Variants in RNF144B observed in about 807,000 individuals in gnomAD.
RNF144B encodes E3 ubiquitin-protein ligase RNF144B.
A neutral mutation model predicts 40.2 loss-of-function variants in RNF144B; 25 were observed. The observed-to-expected ratio is 0.62, with a 90% CI of 0.45 to 0.87. RNF144B has a LOEUF of 0.87. Among genes scored for constraint, RNF144B ranks in the 40% least tolerant of loss-of-function variants. The pLI, the probability that RNF144B is intolerant of heterozygous loss-of-function variation, is 0.00. For synonymous variants in RNF144B, 145 were observed against 136.3 expected (o/e 1.06, Z -0.44); for missense variants, 365 against 373.7 (o/e 0.98, Z 0.19).
intron 2 of RNF144B, among the ~76,000 whole-genome samples, chr6:18,423,114 A>T (rs1758468788): frequency 6.6e-6 from 1 of 152,072 alleles, no homozygotes; most frequent in African/African-American, 2.4e-5. Flanking sequence ...CATCTATTCC[A>T]TTCTCCAATT....
Position 18,446,637 on chromosome 6 carries a change from A to C in RNF144B, c.331+6893A>C, listed in dbSNP as rs141677064. ...TATGTCACTCCATTTAGTTACACAAATGCAACATTCTAGGCATCTTGCTGG... is the reference window on the plus strand; with the variant it reads ...TATGTCACTCCATTTAGTTACACAACTGCAACATTCTAGGCATCTTGCTGG... On this transcript the variant is annotated intron_variant, in intron 4 of 7. Transcript: ENST00000259939. The surrounding 1 kb of genome is among the most constrained non-coding windows in gnomAD (Gnocchi z 4.7). Among the ~76,000 whole-genome samples the C allele has an allele frequency of 6.4e-4, 98 of 152,280 alleles. 1 individual carries two copies. The highest frequency in any genetic ancestry group is 2.3e-3 in the African/African-American group (96 of 41,564).
intron 2 of RNF144B, among the ~76,000 whole-genome samples, chr6:18,421,694 G>A (rs958252081): frequency 1.3e-5 from 2 of 152,088 alleles, no homozygotes; most frequent in Admixed American, 6.6e-5. Flanking sequence ...ATAAAATGGG[G>A]AAAATCTTGC....
rs1341914067 is a variant in RNF144B, at chr6:18,395,350, A to T, written c.-36-4149A>T. On this transcript the variant is annotated intron_variant, in intron 1 of 7. Transcript: ENST00000259939. This position sits in a 1 kb window ranked among gnomAD's most constrained non-coding sequence, Gnocchi z 4.5. ...GGACAGGAGGAGCTGGGAGTGTGTT[A>T]TCAAATGCCCTGAGCTTCCTGAGGC... Among the ~76,000 whole-genome samples, 1 of 152,140 alleles carries T rather than the reference A, an allele frequency of 6.6e-6. No homozygotes were observed. The highest frequency in any genetic ancestry group is 1.9e-4 in the East Asian group (1 of 5,180).
At position 18,459,713 on chromosome 6, in the gene RNF144B, A is replaced by T. The variant is rs201744698; in HGVS notation, c.643A>T (p.Lys215Ter). 6.2e-7 allele frequency: 1 copy of T among 1,614,152 alleles called. No individual in the cohort carries two copies. Among genetic ancestry groups the T allele is most frequent in the East Asian group, 2.2e-5 (1 of 44,886 alleles). Residue 215 changes from lysine (K) to a stop codon, truncating the protein, a stop_gained, in exon 6 of 8, where the codon AAG (lysine) becomes TAG (stop). Coordinates refer to ENST00000259939, the MANE Select transcript of RNF144B (RefSeq NM_182757.4). LOFTEE classifies it high-confidence loss of function. The surrounding 1 kb of genome is among the most constrained non-coding windows in gnomAD (Gnocchi z 4.2). ...GCAQMMCKNC[K>*]HTFCWYCLQN... is the part of the protein sequence containing the mutation. ...CGCTCAGATGATGTGCAAAAACTGC[A>T]AGCATACATTTTGCTGGTACTGCCT...
rs959907010 is a variant in RNF144B at position 18,466,670 on chromosome 6, A to G, written c.*1603A>G. 6.5e-6 allele frequency: 1 copy of G among 152,776 alleles called. No individual in the cohort carries two copies. The highest frequency in any genetic ancestry group is 6.5e-5 in the Admixed American group (1 of 15,306). 9.5% of individuals were successfully genotyped at this position (152,776 alleles called of 1,614,324 possible). ...CCATATCAGGAACTATTCAGGATCT[A>G]TGATATTTTCTGAGGTAACTGGGTA... On this transcript the variant is annotated 3_prime_UTR_variant, in exon 8 of 8. Coordinates refer to ENST00000259939, the MANE Select transcript of RNF144B (RefSeq NM_182757.4).
chr6:18,423,615 G>A (rs1260929821), intron 2 of RNF144B, among the ~76,000 whole-genome samples: 1 of 152,186 alleles, frequency 6.6e-6, no homozygotes, highest in Non-Finnish European at 1.5e-5. Context: ...GGAGACACCT[G>A]TTTCTGAGTA....
In RNF144B at chr6:18,465,046, G is replaced by C. The variant is rs927871241; in HGVS notation, c.891G>C (p.Lys297Asn). 2 of 1,613,580 alleles carry C rather than the reference G, an allele frequency of 1.2e-6. No individual in the cohort carries two copies. Among genetic ancestry groups the C allele is most frequent in the Non-Finnish European group, 1.7e-6 (2 of 1,179,888 alleles). ...VCKSCRGKKK[K>N]HDPSTT The stretch of plus-strand genomic sequence containing the variant: ...AGTCCTGTCGGGGCAAGAAGAAAAA[G>C]CACGACCCATCCACAACCTAAAGAT... The change falls in exon 8 of 8, where the codon AAG becomes AAC. Residue 297 changes from lysine (K) to asparagine (N), a missense_variant. Lys to Asn is a moderately conservative substitution (Grantham distance 94). Transcript: ENST00000259939.
chr6:18,408,543 C>T (rs976621189), intron 2 of RNF144B, among the ~76,000 whole-genome samples: 2 of 152,152 alleles, frequency 1.3e-5, no homozygotes, highest in Non-Finnish European at 2.9e-5. Flanking sequence ...GGCATTCACT[C>T]GGATCCCTCT....
rs1759455855 is a variant in RNF144B at position 18,461,561 on chromosome 6, A to T, written c.682-1730A>T. Among the ~76,000 whole-genome samples the T allele has an allele frequency of 2.0e-5, 3 of 152,096 alleles. No individual in the cohort carries two copies. The South Asian group carries it at 6.2e-4, about 32-fold the overall frequency. ...CCTTTGGTTGAAATGTGTTTGGGGG[A>T]TGGTGTTGCAAAGGACATGCTGTTC... On this transcript the variant is annotated intron_variant, in intron 6 of 7. Coordinates refer to ENST00000259939, the MANE Select transcript of RNF144B (RefSeq NM_182757.4).
At chr6:18,433,126 C>T (rs752586848) in intron 3 of RNF144B, among the ~76,000 whole-genome samples, 2 of 152,214 alleles carry the variant, frequency 1.3e-5, no homozygotes, top group Non-Finnish European at 2.9e-5. Flanking sequence ...CCTCTGCCTC[C>T]ACTTGCCATC....
chr6:18,399,420 C>A, intron 1 of RNF144B, 79 bp from the exon 2 acceptor site: 1 of 993,942 alleles, frequency 1.0e-6, no homozygotes, highest in Non-Finnish European at 1.5e-6. Flanking sequence ...AGAATTTGAT[C>A]AGCTGGCCTC....
intron 6 of RNF144B, among the ~76,000 whole-genome samples, chr6:18,461,192 A>G (rs2113539703): frequency 6.6e-6 from 1 of 152,316 alleles, no homozygotes; most frequent in Non-Finnish European, 1.5e-5. Flanking sequence ...AAGAAGAGGT[A>G]TAAACTGAGG....
intron 4 of RNF144B, among the ~76,000 whole-genome samples, chr6:18,454,760 G>C (rs1562058696): frequency 6.6e-6 from 1 of 152,044 alleles, no homozygotes; most frequent in Non-Finnish European, 1.5e-5. Context: ...ATTTGTCTGT[G>C]CTTCCCTTTT....
At chr6:18,394,269 T>C (rs1248213633) in intron 1 of RNF144B, among the ~76,000 whole-genome samples, 1 of 152,178 alleles carries the variant, frequency 6.6e-6, no homozygotes, top group African/African-American at 2.4e-5. Context: ...TGTGTTGATT[T>C]TGGATAATCA....
chr6:18,415,843 G>GT (rs796394853), intron 2 of RNF144B, among the ~76,000 whole-genome samples: 83 of 147,222 alleles, frequency 5.6e-4, no homozygotes, highest in East Asian at 1.4e-3. Context: ...CTTGGGTTTT[G>GT]TTTTTTTTTT....
Position 18,431,959 on chromosome 6 carries a change from A to G in RNF144B, c.270+4274A>G, listed in dbSNP as rs1758704694. ...GCACTTAATGCCCAGTTCAAGTACAATTGAACCTCAGTGTCCATGGGTTCT... is the reference window on the plus strand; with the variant it reads ...GCACTTAATGCCCAGTTCAAGTACAGTTGAACCTCAGTGTCCATGGGTTCT... On this transcript the variant is annotated intron_variant, in intron 3 of 7. Coordinates refer to ENST00000259939, the MANE Select transcript of RNF144B (RefSeq NM_182757.4). Among the ~76,000 whole-genome samples the G allele has an allele frequency of 2.0e-5, 3 of 152,314 alleles. 1 individual carries two copies. The highest frequency in any genetic ancestry group is 4.1e-4 in the South Asian group (2 of 4,830).
intron 6 of RNF144B, among the ~76,000 whole-genome samples, chr6:18,461,897 T>C (rs1020975628): frequency 6.6e-6 from 1 of 151,874 alleles, no homozygotes; most frequent in African/African-American, 2.4e-5. Flanking sequence ...GTTGTTGGAG[T>C]TGAGCTTGTT....
In RNF144B at chr6:18,398,952, G is replaced by T. The variant is rs989207258; in HGVS notation, c.-36-547G>T. Among the ~76,000 whole-genome samples the T allele has an allele frequency of 1.3e-5, 2 of 151,968 alleles. No homozygotes were observed. The highest frequency in any genetic ancestry group is 2.4e-5 in the African/African-American group (1 of 41,346). ...ATGTTTGCTCATAGTGATATTTCCC[G>T]CCCCTGACCTTCATTAAGGTATAAT... On this transcript the variant is annotated intron_variant, in intron 1 of 7. Coordinates refer to ENST00000259939, the MANE Select transcript of RNF144B (RefSeq NM_182757.4). The surrounding 1 kb of genome is among the most constrained non-coding windows in gnomAD (Gnocchi z 5.0).
intron 3 of RNF144B, among the ~76,000 whole-genome samples, chr6:18,433,932 A>G (rs1427362303): frequency 6.6e-6 from 1 of 152,106 alleles, no homozygotes; most frequent in Non-Finnish European, 1.5e-5. Context: ...AGTGAGTGTT[A>G]TTTCCCCTGC....
Sources: allele counts gnomAD v4.1 joint callset (sites outside exome capture counted in the v4.1 genomes callset), GRCh38; gene constraint gnomAD v4.1.1; non-coding constraint Gnocchi (gnomAD v3.1); transcripts MANE v1.5; gene names NCBI Gene and HGNC (gene_info 2026-07-23, HGNC 2026-07-21).